Variants in FARP1 observed in about 807,000 individuals in gnomAD.
FARP1 encodes FERM, ARHGEF and pleckstrin domain-containing protein 1.
Under a neutral mutation model 128.8 loss-of-function variants are expected in FARP1, and 52 were observed. The ratio of observed to expected loss-of-function variants is 0.40; its 90% CI spans 0.32 to 0.51. The LOEUF (loss-of-function observed/expected upper bound fraction) is 0.51. FARP1 is among the 20% of genes least tolerant of loss of function. The probability of loss-of-function intolerance (pLI) is 0.45; values close to 1 mark genes in which losing one functional copy is unlikely to be tolerated. For synonymous variants in FARP1, 580 were observed against 551.8 expected, an observed-to-expected ratio of 1.05 and a Z score of -0.72; for missense variants, 1,333 against 1,367.9, an observed-to-expected ratio of 0.97 and a Z score of 0.40.
At chr13:98,447,898 G>A in intron 26 of FARP1, 1 of 335,290 alleles carries the variant, frequency 3.0e-6, no homozygotes, top group Non-Finnish European at 5.5e-6. Flanking sequence ...AGCAGGATGG[G>A]ACACGTCCCG....
At chr13:98,315,267 C>G (rs1886670430) in intron 2 of FARP1, among the ~76,000 whole-genome samples, 1 of 152,114 alleles carries the variant, frequency 6.6e-6, no homozygotes, top group South Asian at 2.1e-4. Flanking sequence ...TACCACCATG[C>G]CCAGCTGTTT....
intron 3 of FARP1, among the ~76,000 whole-genome samples, chr13:98,364,628 G>A (rs984125482): frequency 5.3e-5 from 8 of 152,126 alleles, no homozygotes; most frequent in Non-Finnish European, 1.0e-4. Context: ...CCTTTCAAAT[G>A]ACTAGAAATT....
chr13:98,238,100 A>C (rs1240635519), intron 2 of FARP1, among the ~76,000 whole-genome samples: 2 of 152,186 alleles, frequency 1.3e-5, no homozygotes, highest in Non-Finnish European at 2.9e-5. Context: ...TTTTAGAAAA[A>C]GGTTTGACTT....
In FARP1 at chr13:98,450,610, G is replaced by C. The variant is rs1161018828; in HGVS notation, c.*2293G>C. ...CAGTCCACGGCCCTCGTCTCCCAGA[G>C]GCTGAGTACCTCCCCAGGCTGCAGG... On this transcript the variant is annotated 3_prime_UTR_variant, in exon 27 of 27. Transcript: ENST00000319562. 6.6e-6 allele frequency: 1 copy of C among 152,310 alleles called. No homozygotes were observed. Among genetic ancestry groups the C allele is most frequent in the Non-Finnish European group, 1.5e-5 (1 of 68,136 alleles). The allele number at this position is 152,310 out of a possible 1,614,324, so 9.4% of individuals were successfully genotyped here.
At chr13:98,235,101 G>T (rs1373760580) in intron 2 of FARP1, among the ~76,000 whole-genome samples, 1 of 152,148 alleles carries the variant, frequency 6.6e-6, no homozygotes, top group Non-Finnish European at 1.5e-5. Context: ...GACAGTGCTG[G>T]CGAGATTTTT....
At chr13:98,251,664 C>T (rs1303048737) in intron 2 of FARP1, among the ~76,000 whole-genome samples, 1 of 143,680 alleles carries the variant, frequency 7.0e-6, no homozygotes, top group Non-Finnish European at 1.5e-5. Context: ...GCCTGAGTGA[C>T]AGAGTGAGAC....
chr13:98,282,156 T>G (rs1029296120), intron 2 of FARP1, among the ~76,000 whole-genome samples: 15 of 151,948 alleles, frequency 9.9e-5, no homozygotes, highest in African/African-American at 3.1e-4. Flanking sequence ...ATGGAAAAAT[T>G]AGCCAGGCAT....
At chr13:98,447,559 T>C (rs1892927886) in intron 26 of FARP1, 1 of 152,564 alleles carries the variant, frequency 6.6e-6, no homozygotes, top group African/African-American at 2.4e-5. Context: ...TTCAGCGGCA[T>C]CCCTGGCCAC....
chr13:98,410,865 T>G (rs1416232280), intron 15 of FARP1, 42 bp downstream of exon 15: 1 of 1,007,986 alleles, frequency 9.9e-7, no homozygotes, highest in Non-Finnish European at 1.6e-6. Context: ...TTACATGATT[T>G]ATCTCAGCTA....
At chr13:98,329,236 C>T (rs1221660710) in intron 2 of FARP1, 1 of 152,208 alleles carries the variant, frequency 6.6e-6, no homozygotes, top group Non-Finnish European at 1.5e-5. Flanking sequence ...GTTTCCCTAT[C>T]GAAAGAATGT....
rs766670787 is a variant in FARP1, at chr13:98,439,135, G to A, written c.2372G>A (p.Arg791Gln). The A allele has an allele frequency of 2.2e-5, 35 of 1,613,588 alleles. No homozygotes were observed. Among genetic ancestry groups the A allele is most frequent in the East Asian group, 1.6e-4 (7 of 44,896 alleles). ...AACGACGTCCTGCTATACACGAGCC[G>A]GGGGCTGACGGCCTCCAATCAGTTT... ...LFNDVLLYTS[R>Q]GLTASNQFKV... The change falls in exon 21 of 27, where the codon CGG becomes CAG. Residue 791 changes from arginine (R) to glutamine (Q), a missense_variant. By Grantham distance (43) the Arg-to-Gln change is conservative. Around this residue, in one of 2 missense-constraint regions of FARP1, gnomAD observed 1,009 missense variants for 969.8 expected, o/e 1.04. Coordinates refer to ENST00000319562, the MANE Select transcript of FARP1 (RefSeq NM_005766.4).
At chr13:98,437,660 A>G in intron 19 of FARP1, 1 of 649,496 alleles carries the variant, frequency 1.5e-6, no homozygotes, top group East Asian at 2.6e-5. Context: ...GGGCGCAGGA[A>G]GATGGTGAGT....
chr13:98,330,796 C>T lies in FARP1; in HGVS notation c.172-12966C>T, dbSNP rs1404361587. ...GGTACTCACAGAAGGTAAAGAATGT[C>T]ATTAAGCTGCGTGGTATCCCAGTTC... is the stretch of plus-strand genomic sequence containing the variant. On this transcript the variant is annotated intron_variant, in intron 2 of 26. Coordinates refer to ENST00000319562, the MANE Select transcript of FARP1 (RefSeq NM_005766.4). Among the ~76,000 whole-genome samples, 3 of 152,004 alleles carry T rather than the reference C, an allele frequency of 2.0e-5. No individual in the cohort carries two copies. In the East Asian group the frequency reaches 5.8e-4, roughly 29 times the overall value.
chr13:98,285,930 T>C (rs1016810904), intron 2 of FARP1, among the ~76,000 whole-genome samples: 6 of 152,192 alleles, frequency 3.9e-5, no homozygotes, highest in African/African-American at 1.4e-4. Flanking sequence ...CTGGCCCGTT[T>C]GGGGGTCCCC....
At chr13:98,440,872 G>A (rs372463356) in intron 24 of FARP1, 36 bp downstream of exon 24, 15 of 1,555,204 alleles carry the variant, frequency 9.6e-6, no homozygotes, top group Middle Eastern at 3.6e-4. Flanking sequence ...TTCCCAGCTT[G>A]TGCTGGCCCA....
rs1327004927 is a variant in FARP1 at position 98,449,891 on chromosome 13, TC to T, written c.*1577del. ...ACAGGGAGGGCCTGCCCCCCACTGT[TC>T]CCTATGCTCCCCCCACCTCCAGGCA... On this transcript the variant is annotated 3_prime_UTR_variant, in exon 27 of 27. Coordinates refer to ENST00000319562, the MANE Select transcript of FARP1 (RefSeq NM_005766.4). 1 of 152,084 alleles carries T rather than the reference TC, an allele frequency of 6.6e-6. No homozygotes were observed. The highest frequency in any genetic ancestry group is 1.5e-5 in the Non-Finnish European group (1 of 68,050). The allele number at this position is 152,084 out of a possible 1,614,324, so 9.4% of individuals were successfully genotyped here.
intron 16 of FARP1, among the ~76,000 whole-genome samples, chr13:98,422,646 A>G (rs1480227987): frequency 6.6e-6 from 1 of 152,200 alleles, no homozygotes; most frequent in East Asian, 1.9e-4. Flanking sequence ...ATTGCCTGGA[A>G]TGTGAAGCCA....
At chr13:98,410,028 C>G (rs929791015) in intron 14 of FARP1, among the ~76,000 whole-genome samples, 2 of 152,244 alleles carry the variant, frequency 1.3e-5, no homozygotes, top group Non-Finnish European at 2.9e-5. Flanking sequence ...TGGTTCCCAC[C>G]TTTTGGCTGC....
chr13:98,445,518 G>A (rs1470168667), intron 24 of FARP1: 5 of 152,264 alleles, frequency 3.3e-5, no homozygotes, highest in African/African-American at 1.2e-4. Flanking sequence ...GCCACTAGAG[G>A]GCATGTGGGA....
Sources: gnomAD v4.1 joint callset for allele counts (sites outside exome capture counted in the v4.1 genomes callset) on GRCh38, gnomAD v4.1.1 for gene constraint, gnomAD v4.1.1 regional missense constraint, MANE v1.5 for transcripts, NCBI Gene and HGNC (gene_info 2026-07-23, HGNC 2026-07-21) for gene names.